Variants in ALG12 observed in about 807,000 individuals in gnomAD.
ALG12 encodes dol-P-Man:Man(7)GlcNAc(2)-PP-Dol alpha-1,6-mannosyltransferase.
In ALG12, 36 loss-of-function variants were observed where a neutral mutation model predicts 46.0. That is an observed-to-expected ratio of 0.78 (90% CI 0.60 to 1.03). The LOEUF is 1.03. ALG12 is among the 50% of genes least tolerant of loss of function. The probability of loss-of-function intolerance (pLI) is 0.00; values close to 1 mark genes in which losing one functional copy is unlikely to be tolerated. For synonymous variants in ALG12, 326 were observed against 291.6 expected (o/e 1.12, Z -1.20); for missense variants, 599 against 633.5 (o/e 0.95, Z 0.58).
the ALG12 span, among the ~76,000 whole-genome samples, chr22:49,881,355 T>A: frequency 2.0e-5 from 3 of 152,178 alleles, no homozygotes; most frequent in African/African-American, 7.2e-5. Flanking sequence ...CTCAAAAAAA[T>A]TTGTTTTTCA....
the ALG12 span, chr22:49,886,716 G>T: frequency 2.5e-6 from 4 of 1,613,298 alleles, no homozygotes; most frequent in Admixed American, 6.7e-5. This position sits in a 1 kb window ranked among gnomAD's most constrained non-coding sequence, Gnocchi z 7.7. Flanking sequence ...CCCTGTTTAC[G>T]GAGGAGGAGG....
At position 49,904,389 on chromosome 22, in the gene ALG12, G is replaced by C; in HGVS notation, c.1110C>G (p.Tyr370Ter). The change falls in exon 8 of 10, where the codon TAC becomes TAG. Residue 370 changes from tyrosine (Y) to a stop codon, truncating the protein, a stop_gained. Transcript: ENST00000330817. LOFTEE classifies it high-confidence loss of function. ...GCCTCTGCATTGCGACGCCACCTGG[G>C]TAGTTGAAATGGGACACATACAGGG... ...ATALYVSHFN[Y>*]PGGVAMQRLH... 6 of 1,614,202 alleles carry C rather than the reference G, an allele frequency of 3.7e-6. No homozygotes were observed. Among genetic ancestry groups the C allele is most frequent in the Non-Finnish European group, 5.1e-6 (6 of 1,180,040 alleles).
rs2060517446 is a variant in ALG12, at chr22:49,902,506, CAT to C, written c.*1330_*1331del. 1.5e-5 allele frequency: 2 copies of C among 132,212 alleles called. 1 individual carries two copies. Among genetic ancestry groups the C allele is most frequent in the South Asian group, 4.6e-4 (2 of 4,336 alleles). 8.2% of individuals were successfully genotyped at this position (132,212 alleles called of 1,614,324 possible). A position where few individuals can be genotyped will look rare whatever the true frequency, so the allele number is the denominator to read the frequency against. On this transcript the variant is annotated 3_prime_UTR_variant, in exon 10 of 10. Coordinates refer to ENST00000330817, the MANE Select transcript of ALG12 (RefSeq NM_024105.4). ...GTGGTGTGTATGCATGGTGTGTGCACATGTGCACTGTGTATGCATGGTAATGT... is the reference window on the plus strand; with the variant it reads ...GTGGTGTGTATGCATGGTGTGTGCACGTGCACTGTGTATGCATGGTAATGT...
rs1443897264 is a variant in ALG12 at position 49,910,426 on chromosome 22, C to T, written c.469+8G>A. On this transcript the variant is annotated splice_region_variant and intron_variant, in intron 4 of 9. Coordinates refer to ENST00000330817, the MANE Select transcript of ALG12 (RefSeq NM_024105.4). Reference sequence around the variant, plus strand: ...ATGGGTGTGCAGGCCCGGCCGGCAGCTACGTACCTACAGGCAGGGCCAGCA... The same window carrying T: ...ATGGGTGTGCAGGCCCGGCCGGCAGTTACGTACCTACAGGCAGGGCCAGCA... 1 of 1,612,994 alleles carries T rather than the reference C, an allele frequency of 6.2e-7. No individual in the cohort carries two copies. The highest frequency in any genetic ancestry group is 2.2e-5 in the East Asian group (1 of 44,890).
chr22:49,893,749 C>T, the ALG12 span, among the ~76,000 whole-genome samples: 4 of 152,166 alleles, frequency 2.6e-5, no homozygotes, highest in Non-Finnish European at 5.9e-5. Context: ...AATAGACTGC[C>T]TAAAACTATC....
chr22:49,892,381 G>A, the ALG12 span, among the ~76,000 whole-genome samples: 8 of 152,134 alleles, frequency 5.3e-5, no homozygotes, highest in Non-Finnish European at 8.8e-5. Context: ...CAGAGCTGGC[G>A]TGGTGTCACT....
the ALG12 span, chr22:49,887,157 C>T: frequency 6.2e-7 from 1 of 1,611,576 alleles, no homozygotes; most frequent in Non-Finnish European, 8.5e-7. Context: ...TGAATCTTCC[C>T]TTAATATACT....
the ALG12 span, among the ~76,000 whole-genome samples, chr22:49,875,401 G>A: frequency 6.8e-6 from 1 of 148,104 alleles, no homozygotes; most frequent in African/African-American, 2.5e-5. Context: ...TTTCATCTGA[G>A]TTGCATAATT....
rs1052092274 is a variant in ALG12 at position 49,903,929 on chromosome 22, C to T, written c.1376G>A (p.Gly459Asp). ...CAGTTGGGTCAGGTTCAGACTCACA[C>T]CTGTGGTCCCCACGACGCTGGCCAG... ...RVLASVVGTT[G>D]VSLNLTQLPP... The change falls in exon 10 of 10, where the codon GGT becomes GAT. Residue 459 changes from glycine (G) to aspartate (D), a missense_variant. Coordinates refer to ENST00000330817, the MANE Select transcript of ALG12 (RefSeq NM_024105.4). 1.2e-6 allele frequency: 2 copies of T among 1,614,140 alleles called. No individual in the cohort carries two copies. The highest frequency in any genetic ancestry group is 1.3e-5 in the African/African-American group (1 of 74,956).
the ALG12 span, among the ~76,000 whole-genome samples, chr22:49,871,851 T>C: frequency 2.6e-5 from 4 of 151,734 alleles, no homozygotes; most frequent in Non-Finnish European, 4.4e-5. Flanking sequence ...ACCTCCTGGG[T>C]TGAAGCGATT....
At position 49,913,832 on chromosome 22, in the gene ALG12, A is replaced by T; in HGVS notation, c.-67T>A. On this transcript the variant is annotated 5_prime_UTR_variant, in exon 2 of 10. Transcript: ENST00000330817. ...CGAGACACCAGCCGTTAGCACTGCC[A>T]CTCCACGCATGCTGGAAAAGTGGAA... The T allele has an allele frequency of 6.3e-7, 1 of 1,591,072 alleles. No homozygotes were observed. The highest frequency in any genetic ancestry group is 8.6e-7 in the Non-Finnish European group (1 of 1,165,158).
intron 1 of ALG12, among the ~76,000 whole-genome samples, chr22:49,914,683 G>A (rs992256861): frequency 6.6e-6 from 1 of 152,190 alleles, no homozygotes; most frequent in African/African-American, 2.4e-5. Flanking sequence ...AAACCAGAAG[G>A]GCCAGAAGCA....
chr22:49,889,695 C>T, the ALG12 span: 4 of 167,214 alleles, frequency 2.4e-5, no homozygotes, highest in Non-Finnish European at 4.4e-5. Flanking sequence ...ATGGTCAAAC[C>T]GTCTCTGCCC....
At chr22:49,886,758 A>G in the ALG12 span, 1 of 1,612,626 alleles carries the variant, frequency 6.2e-7, no homozygotes, top group Non-Finnish European at 8.5e-7. This position sits in a 1 kb window ranked among gnomAD's most constrained non-coding sequence, Gnocchi z 7.7. Context: ...TAATCAGGGA[A>G]CTCGAACTCA....
chr22:49,875,116 TCAAG>T, the ALG12 span, among the ~76,000 whole-genome samples: 3 of 152,348 alleles, frequency 2.0e-5, no homozygotes, highest in East Asian at 5.8e-4. Flanking sequence ...TCATAGGGTA[TCAAG>T]TTGTTTCTTT....
chr22:49,918,387 C>T lies in ALG12; in HGVS notation c.-203G>A, dbSNP rs9616379. ...CCTTGCCCAAATCTAAAGTGGCTAC[C>T]GCAGCCCCGGCCGCTACGGCCGCAG... On this transcript the variant is annotated 5_prime_UTR_variant, in exon 1 of 10. Coordinates refer to ENST00000330817, the MANE Select transcript of ALG12 (RefSeq NM_024105.4). 37,375 of 164,248 alleles carry T rather than the reference C, an allele frequency of 0.23. 4,723 individuals carry two copies. The highest frequency in any genetic ancestry group is 0.34 in the African/African-American group (14,128 of 42,016). The allele number at this position is 164,248 out of a possible 1,614,324, so 10.2% of individuals were successfully genotyped here. A position where few individuals can be genotyped will look rare whatever the true frequency, so the allele number is the denominator to read the frequency against.
chr22:49,892,359 G>C, the ALG12 span, among the ~76,000 whole-genome samples: 1 of 152,220 alleles, frequency 6.6e-6, no homozygotes, highest in Admixed American at 6.5e-5. Context: ...AGGCCTGACA[G>C]AAGGTGGCAA....
chr22:49,894,496 G>A, the ALG12 span, among the ~76,000 whole-genome samples: 1 of 152,232 alleles, frequency 6.6e-6, no homozygotes, highest in South Asian at 2.1e-4. Flanking sequence ...AGAAGCCAGG[G>A]CACCACCCAC....
At chr22:49,909,126 G>T in intron 6 of ALG12, 118 bp downstream of exon 6, 1 of 1,103,070 alleles carries the variant, frequency 9.1e-7, no homozygotes, top group South Asian at 1.3e-5. Context: ...GCTCCATCCT[G>T]ACCCTGCAGC....
Sources: gnomAD v4.1 joint callset for allele counts (sites outside exome capture counted in the v4.1 genomes callset) on GRCh38, gnomAD v4.1.1 for gene constraint, Gnocchi (gnomAD v3.1) non-coding constraint, MANE v1.5 for transcripts, NCBI Gene and HGNC (gene_info 2026-07-23, HGNC 2026-07-21) for gene names.